SPATA7: variants seen among roughly 807,000 people sequenced by gnomAD.
SPATA7 encodes the protein spermatogenesis-associated protein 7.
SPATA7 carries 43 observed loss-of-function variants against 51.8 expected under a neutral mutation model. That is an observed-to-expected ratio of 0.83 (90% CI 0.65 to 1.07). The LOEUF is 1.07. Among genes scored for constraint, SPATA7 ranks in the 50% least tolerant of loss-of-function variants. SPATA7 has a pLI of 0.00. For missense variants in SPATA7, 683 were observed against 701.3 expected, an observed-to-expected ratio of 0.97 and a Z score of 0.30; for synonymous variants, 230 against 252.8, an observed-to-expected ratio of 0.91 and a Z score of 0.86.
Position 88,398,561 on chromosome 14 carries a change from G to A in SPATA7, c.238+2358G>A, listed in dbSNP as rs536360958. Among the ~76,000 whole-genome samples, 323 of 149,856 alleles carry A rather than the reference G, an allele frequency of 2.2e-3. 2 individuals carry two copies. Among genetic ancestry groups the A allele is most frequent in the South Asian group, 5.3e-3 (25 of 4,706 alleles). On this transcript the variant is annotated intron_variant, in intron 4 of 11. Transcript: ENST00000393545. ...GAGTTAGTGGGTGCAGCGCACCAGC[G>A]TGGCACATGTATACATATGTAACTA...
chr14:88,468,829 G>A (rs992643490), intron 4 of SPATA7: 39 of 1,539,882 alleles, frequency 2.5e-5, no homozygotes, highest in Admixed American at 6.7e-5. Flanking sequence ...GGAAATGTGC[G>A]CAAAAAGAGC....
chr14:88,416,555 T>G (rs1000075430), intron 4 of SPATA7, 156 bp from the exon 5 acceptor site: 1 of 638,174 alleles, frequency 1.6e-6, no homozygotes, highest in Non-Finnish European at 2.7e-6. Flanking sequence ...ATTTTTAAAA[T>G]GTGTTAGTAA....
downstream of SPATA7, among the ~76,000 whole-genome samples, chr14:88,443,190 G>A (rs552151317): frequency 9.9e-5 from 15 of 152,166 alleles, no homozygotes; most frequent in East Asian, 5.8e-4. Flanking sequence ...TGGTCCACCC[G>A]CCTTGGCCTC....
chr14:88,385,754 C>A lies in SPATA7; in HGVS notation c.-65C>A. On this transcript the variant is annotated 5_prime_UTR_variant, in exon 1 of 12. Transcript: ENST00000393545. Reference sequence around the variant, plus strand: ...CCAGTCCTCCACTGCCGGGGCTGGGCCCGGCCGCGGGAAGGACCGAAGGGG... The same window carrying A: ...CCAGTCCTCCACTGCCGGGGCTGGGACCGGCCGCGGGAAGGACCGAAGGGG... The A allele has an allele frequency of 2.0e-6, 3 of 1,519,176 alleles. No homozygotes were observed. The highest frequency in any genetic ancestry group is 1.8e-6 in the Non-Finnish European group (2 of 1,107,838). 94.1% of individuals were successfully genotyped at this position (1,519,176 alleles called of 1,614,324 possible). A position where few individuals can be genotyped will look rare whatever the true frequency, so the allele number is the denominator to read the frequency against.
intron 5 of SPATA7, among the ~76,000 whole-genome samples, chr14:88,423,512 G>A (rs2076703932): frequency 6.6e-6 from 1 of 150,892 alleles, no homozygotes; most frequent in Non-Finnish European, 1.5e-5. Flanking sequence ...GCCATGATCA[G>A]GCCACTGCAC....
intron 4 of SPATA7, among the ~76,000 whole-genome samples, chr14:88,401,633 G>T (rs1172101787): frequency 6.6e-6 from 1 of 151,760 alleles, no homozygotes; most frequent in Admixed American, 6.6e-5. Context: ...GCCAGGAGTG[G>T]CCAGCCTGGG....
At chr14:88,454,622 C>T (rs929189890) in intron 3 of SPATA7, among the ~76,000 whole-genome samples, 2 of 152,008 alleles carry the variant, frequency 1.3e-5, no homozygotes, top group Non-Finnish European at 2.9e-5. Context: ...GCCTGGTCAA[C>T]AGAGTGAGAC....
chr14:88,468,391 C>G, intron 4 of SPATA7: 1 of 924,266 alleles, frequency 1.1e-6, no homozygotes, highest in Non-Finnish European at 1.6e-6. Context: ...ACCTTAGCGT[C>G]TTCTAGAAAT....
chr14:88,467,464 TCTC>T (rs1348799193), intron 4 of SPATA7: 5 of 151,402 alleles, frequency 3.3e-5, no homozygotes, highest in Admixed American at 1.3e-4. Flanking sequence ...TGAATTGAGC[TCTC>T]ATTTGAAAAA....
intron 3 of SPATA7, among the ~76,000 whole-genome samples, chr14:88,450,750 T>C (rs2077244768): frequency 6.6e-6 from 1 of 152,236 alleles, no homozygotes; most frequent in African/African-American, 2.4e-5. Context: ...TTCTTGACTT[T>C]AGATAACCTG....
At position 88,396,221 on chromosome 14, in the gene SPATA7, A is replaced by G; in HGVS notation, c.238+18A>G. 1.3e-6 allele frequency: 2 copies of G among 1,592,330 alleles called. No individual in the cohort carries two copies. The highest frequency in any genetic ancestry group is 1.7e-6 in the Non-Finnish European group (2 of 1,162,518). ...CATAAAGTGTAAGTAATTTTTGGAC[A>G]TTATTACCTTTTTAAAAAAAAATTA... On this transcript the variant is annotated intron_variant, in intron 4 of 11. Transcript: ENST00000393545.
At chr14:88,461,975 G>T (rs2077320625) in intron 4 of SPATA7, among the ~76,000 whole-genome samples, 1 of 152,140 alleles carries the variant, frequency 6.6e-6, no homozygotes, top group Admixed American at 6.5e-5. Flanking sequence ...TGTCTCTGGA[G>T]AATATTCAGT....
intron 4 of SPATA7, among the ~76,000 whole-genome samples, chr14:88,397,857 G>A (rs2075932863): frequency 6.6e-6 from 1 of 152,068 alleles, no homozygotes; most frequent in South Asian, 2.1e-4. Context: ...GCCGAGGCAG[G>A]CGGATCACGA....
At chr14:88,441,516 T>A (rs1178814900), downstream of SPATA7, among the ~76,000 whole-genome samples, 1 of 152,194 alleles carries the variant, frequency 6.6e-6, no homozygotes, top group Non-Finnish European at 1.5e-5. Context: ...ATCTACTATT[T>A]TTTTATTTTT....
chr14:88,416,589 G>C (rs2076484308), intron 4 of SPATA7, 122 bp from the exon 5 acceptor site: 2 of 946,708 alleles, frequency 2.1e-6, no homozygotes, highest in Non-Finnish European at 3.2e-6. Flanking sequence ...AAAATAAATG[G>C]ATTTTTATTT....
At chr14:88,396,408 T>C (rs1463088915) in intron 4 of SPATA7, among the ~76,000 whole-genome samples, 1 of 152,146 alleles carries the variant, frequency 6.6e-6, no homozygotes. Context: ...AATAATTTCC[T>C]CCCATAGGCC....
chr14:88,464,061 A>G (rs56186651), intron 4 of SPATA7, among the ~76,000 whole-genome samples: 5,770 of 151,960 alleles, frequency 0.038, 358 homozygotes, highest in African/African-American at 0.13. Flanking sequence ...GGCTGGTCTC[A>G]TACTCCTGAC....
intron 5 of SPATA7, among the ~76,000 whole-genome samples, chr14:88,423,612 T>C (rs1038138931): frequency 1.3e-5 from 2 of 152,084 alleles, no homozygotes; most frequent in African/African-American, 2.4e-5. Flanking sequence ...AAGAGCTATA[T>C]TTGTTTTATA....
In SPATA7 at chr14:88,449,388, G is replaced by A. The variant is rs183394926; in HGVS notation, c.178-5672G>A. Among the ~76,000 whole-genome samples, 4 of 152,214 alleles carry A rather than the reference G, an allele frequency of 2.6e-5. No individual in the cohort carries two copies. The East Asian group carries it at 7.7e-4, about 29-fold the overall frequency. ...TCCATTTATTTGGCATGGTTTTGAGGGTTCCTTTTGCAGTTGGTTTCTAAT... is the reference window on the plus strand; with the variant it reads ...TCCATTTATTTGGCATGGTTTTGAGAGTTCCTTTTGCAGTTGGTTTCTAAT... On this transcript the variant is annotated intron_variant, in intron 3 of 3. Coordinates refer to the SPATA7 transcript ENST00000554802.
Sources: allele counts gnomAD v4.1 joint callset (sites outside exome capture counted in the v4.1 genomes callset), GRCh38; gene constraint gnomAD v4.1.1; transcripts MANE v1.5; gene names NCBI Gene and HGNC (gene_info 2026-07-23, HGNC 2026-07-21).